The following CPQ variants were observed in gnomAD, a reference collection of about 807,000 sequenced individuals.
CPQ encodes carboxypeptidase Q, also known as Ser-Met dipeptidase.
In CPQ, 37 loss-of-function variants were observed where a neutral mutation model predicts 45.7. The ratio of observed to expected loss-of-function variants is 0.81; its 90% CI spans 0.62 to 1.07. The LOEUF (loss-of-function observed/expected upper bound fraction) is 1.07, where lower values mean the gene tolerates loss of function less well. Among genes scored for constraint, CPQ ranks in the 50% least tolerant of loss-of-function variants. The pLI, the probability that CPQ is intolerant of heterozygous loss-of-function variation, is 0.00. For missense variants in CPQ, 537 were observed against 572.9 expected (o/e 0.94, Z 0.64); for synonymous variants, 186 against 205.8 (o/e 0.90, Z 0.82).
chr8:96,659,361 G>C (rs1815672736), intron 1 of CPQ: 2 of 152,200 alleles, frequency 1.3e-5, no homozygotes, highest in Admixed American at 1.3e-4. Context: ...GGATTTGCCT[G>C]TCTCTCCAGA....
intron 7 of CPQ, among the ~76,000 whole-genome samples, chr8:97,086,234 C>T (rs568374049): frequency 1.8e-4 from 27 of 152,200 alleles, no homozygotes; most frequent in Middle Eastern, 3.4e-3. Flanking sequence ...TTTTGCTGCA[C>T]GCTTAAATAA....
In CPQ at chr8:96,676,142, C is replaced by A. The variant is rs1052957830; in HGVS notation, c.-35+30740C>A. Reference sequence around the variant, plus strand: ...TCTTTGCTTTGGGAACATTTCAATTCTTTTAGCAATTTTGAAATAATAAAT... The same window carrying A: ...TCTTTGCTTTGGGAACATTTCAATTATTTTAGCAATTTTGAAATAATAAAT... On this transcript the variant is annotated intron_variant, in intron 1 of 7. Coordinates refer to ENST00000220763, the MANE Select transcript of CPQ (RefSeq NM_016134.4). 4.9e-4 allele frequency among the ~76,000 whole-genome samples: 75 copies of A among 151,966 alleles called. 2 individuals carry two copies. Among genetic ancestry groups the A allele is most frequent in the Non-Finnish European group, 1.0e-4 (7 of 67,938 alleles).
chr8:96,689,279 C>T (rs1190008428), intron 1 of CPQ, among the ~76,000 whole-genome samples: 2 of 128,396 alleles, frequency 1.6e-5, no homozygotes, highest in East Asian at 4.6e-4. Context: ...TGTCTGCTAC[C>T]TCTGTCTCTA....
At chr8:96,827,395 A>G (rs973705249) in intron 2 of CPQ, among the ~76,000 whole-genome samples, 2 of 152,080 alleles carry the variant, frequency 1.3e-5, no homozygotes, top group South Asian at 2.1e-4. Flanking sequence ...CTGATGTAGA[A>G]TCTTTAGGAT....
At chr8:96,701,089 A>G (rs111578366) in intron 1 of CPQ, among the ~76,000 whole-genome samples, 3,697 of 152,324 alleles carry the variant, frequency 0.024, 167 homozygotes, top group African/African-American at 0.084. Flanking sequence ...ATTTTACATC[A>G]AATACAGACT....
At chr8:97,122,858 C>T (rs1384308118) in intron 7 of CPQ, among the ~76,000 whole-genome samples, 1 of 143,660 alleles carries the variant, frequency 7.0e-6, no homozygotes, top group Non-Finnish European at 1.5e-5. Context: ...GTACTCCAGC[C>T]TGGGCAACAG....
At chr8:97,135,955 T>C (rs1812050745) in intron 7 of CPQ, among the ~76,000 whole-genome samples, 1 of 152,220 alleles carries the variant, frequency 6.6e-6, no homozygotes, top group Non-Finnish European at 1.5e-5. Context: ...ATGGTGACTT[T>C]GAGAATCTTT....
At chr8:96,830,258 T>C (rs1811436490) in intron 2 of CPQ, among the ~76,000 whole-genome samples, 1 of 152,196 alleles carries the variant, frequency 6.6e-6, no homozygotes. Flanking sequence ...CGTTTTTCTG[T>C]CTATAAGTCT....
chr8:96,668,429 T>A (rs1488812447), intron 1 of CPQ, among the ~76,000 whole-genome samples: 1 of 152,222 alleles, frequency 6.6e-6, no homozygotes, highest in African/African-American at 2.4e-5. Flanking sequence ...AAGTAAATGA[T>A]ATGCTTGTGG....
chr8:96,752,385 G>A (rs1810273722), intron 1 of CPQ, among the ~76,000 whole-genome samples: 1 of 152,016 alleles, frequency 6.6e-6, no homozygotes, highest in South Asian at 2.1e-4. Flanking sequence ...TATTCTTTTT[G>A]TAGGAATTGT....
At chr8:97,022,645 T>C (rs1809709019) in intron 5 of CPQ, among the ~76,000 whole-genome samples, 1 of 152,064 alleles carries the variant, frequency 6.6e-6, no homozygotes, top group Non-Finnish European at 1.5e-5. Flanking sequence ...ACATCACTAA[T>C]GATCAGGGAA....
intron 1 of CPQ, among the ~76,000 whole-genome samples, chr8:96,730,862 C>CATATAT (rs1490194461): frequency 2.4e-4 from 7 of 29,378 alleles, no homozygotes; most frequent in Non-Finnish European, 4.4e-4. Context: ...ATTAACCATA[C>CATATAT]ATACATATAT....
At chr8:96,650,920 AAATGAAC>A (rs1815569801) in intron 1 of CPQ, among the ~76,000 whole-genome samples, 1 of 152,234 alleles carries the variant, frequency 6.6e-6, no homozygotes, top group South Asian at 2.1e-4. Flanking sequence ...TCCCTTTATA[AAATGAAC>A]AATCAGTCAC....
intron 7 of CPQ, among the ~76,000 whole-genome samples, chr8:97,110,871 T>A (rs1343615595): frequency 6.6e-6 from 1 of 152,050 alleles, no homozygotes; most frequent in Non-Finnish European, 1.5e-5. Context: ...CCCAACCAAA[T>A]CAATATGATC....
At chr8:97,108,894 T>C (rs571785853) in intron 7 of CPQ, among the ~76,000 whole-genome samples, 1 of 152,336 alleles carries the variant, frequency 6.6e-6, no homozygotes, top group South Asian at 2.1e-4. Context: ...TGGCTCACTC[T>C]TCCTCCATAC....
chr8:96,813,273 T>C (rs1275321965), intron 2 of CPQ, among the ~76,000 whole-genome samples: 2 of 152,100 alleles, frequency 1.3e-5, no homozygotes, highest in Non-Finnish European at 2.9e-5. Flanking sequence ...AAGCCAAGGC[T>C]GGGAGGGGTG....
intron 7 of CPQ, among the ~76,000 whole-genome samples, chr8:97,126,721 A>G (rs986352744): frequency 1.3e-5 from 2 of 152,160 alleles, no homozygotes; most frequent in African/African-American, 2.4e-5. Context: ...GCAGACTTAA[A>G]TAAATGAAAG....
intron 4 of CPQ, among the ~76,000 whole-genome samples, chr8:96,931,405 C>T (rs112774118): frequency 1.3e-4 from 20 of 152,060 alleles, no homozygotes; most frequent in African/African-American, 4.6e-4. Context: ...TTACTATTTC[C>T]ACAACACCAT....
intron 4 of CPQ, among the ~76,000 whole-genome samples, chr8:96,896,512 A>C (rs901125826): frequency 6.6e-6 from 1 of 151,636 alleles, no homozygotes; most frequent in African/African-American, 2.4e-5. Flanking sequence ...AATCTTACCT[A>C]CTCAGTCTTT....
Sources: gnomAD v4.1 joint callset for allele counts (sites outside exome capture counted in the v4.1 genomes callset) on GRCh38, gnomAD v4.1.1 for gene constraint, MANE v1.5 for transcripts, NCBI Gene and HGNC (gene_info 2026-07-23, HGNC 2026-07-21) for gene names.